Variants in GRID2 observed in about 807,000 individuals in gnomAD.
The protein encoded by GRID2 is glutamate ionotropic receptor delta type subunit 2, also known as glutamate receptor ionotropic, delta-2.
GRID2 carries 33 observed loss-of-function variants against 114.8 expected under a neutral mutation model. That is an observed-to-expected ratio of 0.29 (90% CI 0.22 to 0.38). The LOEUF is 0.38. GRID2 is among the 10% of genes least tolerant of loss of function. The probability of loss-of-function intolerance (pLI) is 1.00; values close to 1 mark genes in which losing one functional copy is unlikely to be tolerated. For missense variants in GRID2, 1,184 were observed against 1,257.7 expected (o/e 0.94, Z 0.89); for synonymous variants, 505 against 449.9 (o/e 1.12, Z -1.55).
chr4:92,960,633 A>G (rs1560747338), intron 2 of GRID2, among the ~76,000 whole-genome samples: 2 of 151,964 alleles, frequency 1.3e-5, no homozygotes, highest in Non-Finnish European at 2.9e-5. Flanking sequence ...ATGTATTTAT[A>G]TTTAGGGTAA....
chr4:93,500,595 G>T (rs1232696299), intron 12 of GRID2, among the ~76,000 whole-genome samples: 1 of 151,902 alleles, frequency 6.6e-6, no homozygotes, highest in Non-Finnish European at 1.5e-5. Flanking sequence ...TTTTTGCCCT[G>T]CTGCTTAATC....
intron 2 of GRID2, among the ~76,000 whole-genome samples, chr4:92,998,002 A>G (rs1486097425): frequency 6.6e-6 from 1 of 152,064 alleles, no homozygotes; most frequent in African/African-American, 2.4e-5. Flanking sequence ...CCTAAAAGCT[A>G]TGGCTTTATT....
In GRID2 at chr4:93,156,819, A is replaced by G. The variant is rs74851025; in HGVS notation, c.735+45866A>G. ...AGGCAGATTTGAAACTTATCGGCCT[A>G]TTGGTGGTTTTTAAAGGACTAACTG... On this transcript the variant is annotated intron_variant, in intron 4 of 15. Coordinates refer to ENST00000282020, the MANE Select transcript of GRID2 (RefSeq NM_001510.4). Among the ~76,000 whole-genome samples the G allele has an allele frequency of 9.1e-3, 1,384 of 151,790 alleles. 12 individuals carry two copies. The highest frequency in any genetic ancestry group is 0.022 in the South Asian group (106 of 4,822).
intron 1 of GRID2, among the ~76,000 whole-genome samples, chr4:92,371,020 C>T (rs1239622131): frequency 6.6e-6 from 1 of 152,078 alleles, no homozygotes; most frequent in African/African-American, 2.4e-5. Flanking sequence ...ATAAAACCAG[C>T]CACAACATTC....
chr4:92,882,549 T>A (rs1560666296), intron 2 of GRID2, among the ~76,000 whole-genome samples: 1 of 152,116 alleles, frequency 6.6e-6, no homozygotes, highest in African/African-American at 2.4e-5. Flanking sequence ...GGTTTTCAGT[T>A]AGAAAAACAC....
intron 1 of GRID2, among the ~76,000 whole-genome samples, chr4:92,456,615 T>G (rs1721229951): frequency 6.6e-6 from 1 of 152,162 alleles, no homozygotes; most frequent in Non-Finnish European, 1.5e-5. Context: ...GGTGTGGCTT[T>G]AAAACAAAAG....
intron 8 of GRID2, among the ~76,000 whole-genome samples, chr4:93,266,103 A>G (rs1473309133): frequency 2.0e-5 from 3 of 152,270 alleles, no homozygotes; most frequent in African/African-American, 4.8e-5. Context: ...AGACATGTCA[A>G]TTCATGTAAT....
chr4:92,906,719 A>G (rs545796146), intron 2 of GRID2, among the ~76,000 whole-genome samples: 1 of 152,230 alleles, frequency 6.6e-6, no homozygotes, highest in South Asian at 2.1e-4. Flanking sequence ...CCTGGGTTCA[A>G]GCGATTCTCC....
In GRID2 at chr4:93,306,833, T is replaced by C. The variant is rs575387662; in HGVS notation, c.1245+68343T>C. ...TGTGATTGTTTCCAAACCAATGACTTCTTGGTAACTATAATAAAGGTTTAT... is the reference window on the plus strand; with the variant it reads ...TGTGATTGTTTCCAAACCAATGACTCCTTGGTAACTATAATAAAGGTTTAT... On this transcript the variant is annotated intron_variant, in intron 8 of 15. Coordinates refer to ENST00000282020, the MANE Select transcript of GRID2 (RefSeq NM_001510.4). 4.7e-4 allele frequency among the ~76,000 whole-genome samples: 71 copies of C among 152,274 alleles called. 2 individuals carry two copies. The South Asian group carries it at 0.014, about 31-fold the overall frequency.
chr4:93,778,630 T>A (rs188221417), downstream of GRID2, among the ~76,000 whole-genome samples: 3 of 152,256 alleles, frequency 2.0e-5, no homozygotes, highest in African/African-American at 7.2e-5. Context: ...ACCCCGGACC[T>A]CACATGATCT....
rs575923219 is a variant in GRID2 at position 93,760,219 on chromosome 4, C to A, written c.2361-8991C>A. 4.6e-5 allele frequency among the ~76,000 whole-genome samples: 7 copies of A among 152,088 alleles called. No homozygotes were observed. The East Asian group carries it at 9.6e-4, about 21-fold the overall frequency. On this transcript the variant is annotated intron_variant, in intron 14 of 15. Coordinates refer to ENST00000282020, the MANE Select transcript of GRID2 (RefSeq NM_001510.4). Reference sequence around the variant, plus strand: ...AATAATATGCACTGTTTTGAAAAGGCCTTTATAAACTGCAGCATCATGCAT... The same window carrying A: ...AATAATATGCACTGTTTTGAAAAGGACTTTATAAACTGCAGCATCATGCAT...
intron 11 of GRID2, among the ~76,000 whole-genome samples, chr4:93,458,757 TA>T (rs974504790): frequency 4.6e-5 from 7 of 151,958 alleles, no homozygotes; most frequent in Admixed American, 1.3e-4. Flanking sequence ...TTGACATATG[TA>T]AAAAAAGGGA....
At chr4:92,636,367 T>C (rs1731064205) in intron 2 of GRID2, among the ~76,000 whole-genome samples, 1 of 151,970 alleles carries the variant, frequency 6.6e-6, no homozygotes, top group Non-Finnish European at 1.5e-5. Flanking sequence ...AGTTTAAAGT[T>C]AGAGGATGTT....
At chr4:93,401,959 T>C (rs1765936923) in intron 9 of GRID2, among the ~76,000 whole-genome samples, 1 of 151,484 alleles carries the variant, frequency 6.6e-6, no homozygotes, top group South Asian at 2.1e-4. Flanking sequence ...GTGACTGATA[T>C]ATGGGCACCA....
At chr4:92,712,996 CT>C (rs552257695) in intron 2 of GRID2, among the ~76,000 whole-genome samples, 446 of 143,158 alleles carry the variant, frequency 3.1e-3, no homozygotes, top group African/African-American at 6.5e-3. Flanking sequence ...TTTCTTTTTT[CT>C]TTTTTTTTTT....
chr4:92,912,482 G>C (rs926296442), intron 2 of GRID2, among the ~76,000 whole-genome samples: 1 of 137,104 alleles, frequency 7.3e-6, no homozygotes, highest in Non-Finnish European at 1.6e-5. Flanking sequence ...ATAGTGTTTT[G>C]ATATGTACAG....
intron 1 of GRID2, among the ~76,000 whole-genome samples, chr4:92,434,882 A>G (rs1164742238): frequency 6.6e-6 from 1 of 152,144 alleles, no homozygotes. Flanking sequence ...AATCCCTATA[A>G]TGCTGTAGAA....
At chr4:92,334,600 C>G (rs1349166780) in intron 1 of GRID2, among the ~76,000 whole-genome samples, 1 of 151,112 alleles carries the variant, frequency 6.6e-6, no homozygotes, top group Non-Finnish European at 1.5e-5. Flanking sequence ...TTTTTTTTAA[C>G]AAGCCCACTC....
intron 2 of GRID2, among the ~76,000 whole-genome samples, chr4:93,079,491 TC>T (rs1729657361): frequency 6.6e-6 from 1 of 151,974 alleles, no homozygotes; most frequent in South Asian, 2.1e-4. Flanking sequence ...TATGGGCCTT[TC>T]TGTTTAAAAA....
Sources: allele counts gnomAD v4.1 joint callset (sites outside exome capture counted in the v4.1 genomes callset), GRCh38; gene constraint gnomAD v4.1.1; transcripts MANE v1.5; gene names NCBI Gene and HGNC (gene_info 2026-07-23, HGNC 2026-07-21).